The following RGS7 variants were observed in gnomAD, a reference collection of about 807,000 sequenced individuals.
RGS7 encodes the protein regulator of G protein signaling 7, also known as regulator of G-protein signaling 7.
RGS7 carries 27 observed loss-of-function variants against 81.1 expected under a neutral mutation model. That is an observed-to-expected ratio of 0.33 (90% confidence interval 0.25 to 0.46). RGS7 has a LOEUF of 0.46. Ranked by LOEUF, RGS7 falls within the 20% of genes least tolerant of loss-of-function variation. The pLI is 1.00. For synonymous variants in RGS7, 208 were observed against 207.7 expected, an observed-to-expected ratio of 1.00 and a Z score of -0.01; for missense variants, 396 against 607.4, an observed-to-expected ratio of 0.65 and a Z score of 3.66.
chr1:240,938,907 G>T (rs537041903), intron 4 of RGS7, among the ~76,000 whole-genome samples: 1 of 151,586 alleles, frequency 6.6e-6, no homozygotes, highest in South Asian at 2.1e-4. Flanking sequence ...AGCATGCATT[G>T]CTCATAGCAA....
rs143004474 is a variant in RGS7 at position 240,802,255 on chromosome 1, A to G, written c.1359+649T>C. Among the ~76,000 whole-genome samples the G allele has an allele frequency of 3.3e-5, 5 of 152,256 alleles. No homozygotes were observed. The East Asian group carries it at 5.8e-4, about 18-fold the overall frequency. ...GAATGACGTTGATGTTTATGTCCAG[A>G]TTTTCTCTTCCCTGTTATATTGATT... On this transcript the variant is annotated intron_variant, in intron 16 of 18. Coordinates refer to ENST00000440928, the MANE Select transcript of RGS7 (RefSeq NM_001364886.1).
At chr1:241,021,096 A>C (rs921540649) in intron 3 of RGS7, among the ~76,000 whole-genome samples, 2 of 152,102 alleles carry the variant, frequency 1.3e-5, no homozygotes, top group African/African-American at 2.4e-5. Context: ...TCATCTTCTT[A>C]TTTTCTTTCT....
intron 9 of RGS7, among the ~76,000 whole-genome samples, chr1:240,836,277 A>C (rs894099537): frequency 6.6e-6 from 1 of 152,172 alleles, no homozygotes; most frequent in African/African-American, 2.4e-5. Context: ...AAGCAACCAA[A>C]CAAACAACTC....
intron 3 of RGS7, among the ~76,000 whole-genome samples, chr1:240,993,854 A>G (rs1488678063): frequency 6.6e-6 from 1 of 152,100 alleles, no homozygotes; most frequent in African/African-American, 2.4e-5. Context: ...TAGTGTTTGT[A>G]TAAGTTGTGA....
chr1:240,918,916 T>A (rs1447092016), intron 6 of RGS7, among the ~76,000 whole-genome samples: 2 of 151,930 alleles, frequency 1.3e-5, no homozygotes, highest in African/African-American at 4.8e-5. Context: ...ATCCCCTTTA[T>A]CCTAAAAATA....
At chr1:241,201,819 T>TAA (rs1310178963) in intron 2 of RGS7, among the ~76,000 whole-genome samples, 1 of 152,064 alleles carries the variant, frequency 6.6e-6, no homozygotes, top group East Asian at 1.9e-4. Context: ...TAAAGTGAAG[T>TAA]AAACGTAGGA....
chr1:240,871,231 G>A (rs1664437380), intron 6 of RGS7, among the ~76,000 whole-genome samples: 1 of 152,202 alleles, frequency 6.6e-6, no homozygotes, highest in Non-Finnish European at 1.5e-5. Context: ...TCTAGATGCT[G>A]AGTAAATGCA....
At chr1:241,340,473 G>A (rs2148694740) in intron 2 of RGS7, among the ~76,000 whole-genome samples, 1 of 152,190 alleles carries the variant, frequency 6.6e-6, no homozygotes, top group East Asian at 1.9e-4. Context: ...ATTCCTTAAA[G>A]AATTTATAAG....
intron 3 of RGS7, among the ~76,000 whole-genome samples, chr1:241,047,354 T>C (rs1487468430): frequency 6.6e-6 from 1 of 152,132 alleles, no homozygotes; most frequent in Non-Finnish European, 1.5e-5. Context: ...CCAACTCCCT[T>C]TCTTTTCCTC....
intron 2 of RGS7, among the ~76,000 whole-genome samples, chr1:241,347,009 G>A (rs2082935687): frequency 6.6e-6 from 1 of 152,068 alleles, no homozygotes; most frequent in South Asian, 2.1e-4. Flanking sequence ...AAATCCCTTG[G>A]CATACACCAT....
intron 3 of RGS7, among the ~76,000 whole-genome samples, chr1:241,013,078 T>G (rs2059045519): frequency 1.2e-5 from 1 of 84,152 alleles, no homozygotes; most frequent in African/African-American, 3.6e-5. Flanking sequence ...TTTTTTTTTT[T>G]GTGAAACGGA....
chr1:241,160,086 G>A (rs1216659220), intron 2 of RGS7, among the ~76,000 whole-genome samples: 1 of 144,286 alleles, frequency 6.9e-6, no homozygotes, highest in Admixed American at 7.2e-5. Flanking sequence ...ACTATAGCCT[G>A]GGTGACAGAG....
At chr1:241,221,532 T>C (rs915015370) in intron 2 of RGS7, among the ~76,000 whole-genome samples, 1 of 152,222 alleles carries the variant, frequency 6.6e-6, no homozygotes, top group Non-Finnish European at 1.5e-5. Context: ...ATGACTGTGA[T>C]AGTTACTTTT....
At chr1:241,310,480 T>G (rs539757145) in intron 2 of RGS7, among the ~76,000 whole-genome samples, 1 of 107,278 alleles carries the variant, frequency 9.3e-6, no homozygotes, top group Non-Finnish European at 2.1e-5. Flanking sequence ...TGTCTGTGTG[T>G]CTGTGTGTGA....
chr1:240,927,207 C>T (rs1674602001), intron 6 of RGS7, among the ~76,000 whole-genome samples: 2 of 152,138 alleles, frequency 1.3e-5, no homozygotes, highest in Admixed American at 1.3e-4. Flanking sequence ...GCTGGGACTA[C>T]AGACGTGCGC....
intron 4 of RGS7, among the ~76,000 whole-genome samples, chr1:240,958,340 G>A (rs1680788864): frequency 6.6e-6 from 1 of 152,178 alleles, no homozygotes; most frequent in East Asian, 1.9e-4. Flanking sequence ...GTTAGAGTTT[G>A]TTCTTTAGGA....
chr1:240,821,821 G>C (rs566793680), intron 10 of RGS7, among the ~76,000 whole-genome samples: 1 of 152,330 alleles, frequency 6.6e-6, no homozygotes, highest in South Asian at 2.1e-4. Flanking sequence ...AACAGGATAG[G>C]AAATAGCTTA....
In RGS7 at chr1:241,104,857, T is replaced by C. The variant is rs371109762; in HGVS notation, c.79-6095A>G. ...TACTCATCTTTGCATTGTTAATATA[T>C]AAAGTGTCTGGTCCATAATGGAGGC... On this transcript the variant is annotated intron_variant, in intron 2 of 18. Coordinates refer to ENST00000440928, the MANE Select transcript of RGS7 (RefSeq NM_001364886.1). Among the ~76,000 whole-genome samples, 8 of 152,338 alleles carry C rather than the reference T, an allele frequency of 5.3e-5. No homozygotes were observed. The East Asian group carries it at 1.5e-3, about 29-fold the overall frequency.
rs1007995635 is a variant in RGS7 at position 241,186,498 on chromosome 1, A to C, written c.79-87736T>G. ...CTTCAAACTTCTTTTCCCTCAAATTACATTTCCTAACCATATATATATATA... is the reference window on the plus strand; with the variant it reads ...CTTCAAACTTCTTTTCCCTCAAATTCCATTTCCTAACCATATATATATATA... On this transcript the variant is annotated intron_variant, in intron 2 of 18. Transcript: ENST00000440928. 20 of 684,498 alleles carry C rather than the reference A, an allele frequency of 2.9e-5. No homozygotes were observed. The Admixed American group carries it at 1.3e-3, about 46-fold the overall frequency. 42.4% of individuals were successfully genotyped at this position (684,498 alleles called of 1,614,324 possible).
Sources: allele counts gnomAD v4.1 joint callset (sites outside exome capture counted in the v4.1 genomes callset), GRCh38; gene constraint gnomAD v4.1.1; transcripts MANE v1.5; gene names NCBI Gene and HGNC (gene_info 2026-07-23, HGNC 2026-07-21).